The following SMC5 variants were observed in gnomAD, a reference collection of about 807,000 sequenced individuals.
SMC5 encodes the protein structural maintenance of chromosomes 5.
Under a neutral mutation model 148.3 loss-of-function variants are expected in SMC5, and 88 were observed. That is an observed-to-expected ratio of 0.59 (90% CI 0.50 to 0.71). SMC5 has a LOEUF of 0.71. Among genes scored for constraint, SMC5 ranks in the 30% least tolerant of loss-of-function variants. The probability of loss-of-function intolerance (pLI) is 0.00; values close to 1 mark genes in which losing one functional copy is unlikely to be tolerated. For synonymous variants in SMC5, 421 were observed against 432.8 expected (o/e 0.97, Z 0.34); for missense variants, 1,142 against 1,298.9 (o/e 0.88, Z 1.86).
At chr9:70,268,290 A>T (rs1252592183) in intron 3 of SMC5, among the ~76,000 whole-genome samples, 5 of 152,124 alleles carry the variant, frequency 3.3e-5, no homozygotes, top group African/African-American at 1.2e-4. Context: ...TACTAAAAAT[A>T]GAAAAATTAT....
In SMC5 at chr9:70,277,373, T is replaced by C. The variant is rs1421073341; in HGVS notation, c.444T>C (p.Phe148=). The C allele has an allele frequency of 3.7e-6, 6 of 1,605,256 alleles. No homozygotes were observed. Among genetic ancestry groups the C allele is most frequent in the Admixed American group, 3.4e-5 (2 of 58,850 alleles). The change falls in exon 4 of 25, where the codon TTT becomes TTC. Residue 148 remains phenylalanine, a synonymous_variant. Coordinates refer to ENST00000361138, the MANE Select transcript of SMC5 (RefSeq NM_015110.4). ...REIDVAKNQS[F]WFINKKSTTQ... ...TTGATGTGGCAAAAAATCAGTCCTT[T>C]TGGTTCATCAACAAAAAATCTACAA...
Position 70,319,634 on chromosome 9 carries a change from T to G in SMC5, c.2150+671T>G, listed in dbSNP as rs567182124. On this transcript the variant is annotated intron_variant, in intron 15 of 24. Coordinates refer to ENST00000361138, the MANE Select transcript of SMC5 (RefSeq NM_015110.4). ...AATACTACATCAAAATTTGCCAAAG[T>G]GTAGTTTATTAAAGTTTAATTGCAG... Among the ~76,000 whole-genome samples the G allele has an allele frequency of 5.9e-5, 9 of 152,274 alleles. No homozygotes were observed. The East Asian group carries it at 1.7e-3, about 29-fold the overall frequency.
chr9:70,277,310 G>A lies in SMC5; in HGVS notation c.381G>A (p.Leu127=). ...GCSRGMVEIE[L]FRASGNLVIT... The stretch of plus-strand genomic sequence containing the variant: ...GATTCTTAAATTATTTTTTAATTAG[G>A]TTCAGGGCTTCTGGAAATCTTGTAA... Residue 127 remains leucine, a splice_region_variant and synonymous_variant, in exon 4 of 25, where the codon TTG becomes TTA. Coordinates refer to ENST00000361138, the MANE Select transcript of SMC5 (RefSeq NM_015110.4). The A allele has an allele frequency of 6.4e-7, 1 of 1,551,734 alleles. No homozygotes were observed. Among genetic ancestry groups the A allele is most frequent in the Non-Finnish European group, 8.7e-7 (1 of 1,153,092 alleles).
chr9:70,283,133 G>C (rs893617264), intron 7 of SMC5, among the ~76,000 whole-genome samples: 6 of 152,162 alleles, frequency 3.9e-5, no homozygotes, highest in Non-Finnish European at 8.8e-5. Context: ...GGAGATTCAT[G>C]GATGCACTGA....
At chr9:70,321,043 C>T (rs1334157914) in intron 15 of SMC5, among the ~76,000 whole-genome samples, 1 of 152,148 alleles carries the variant, frequency 6.6e-6, no homozygotes, top group African/African-American at 2.4e-5. Flanking sequence ...CTCACAGACT[C>T]CTGAAATAGT....
intron 10 of SMC5, among the ~76,000 whole-genome samples, chr9:70,300,516 T>C (rs2118412806): frequency 6.6e-6 from 1 of 152,230 alleles, no homozygotes; most frequent in East Asian, 1.9e-4. Flanking sequence ...GGGATTAGAT[T>C]AAAACCCTGC....
At chr9:70,309,318 C>CTTTTTTT (rs59694037) in intron 11 of SMC5, among the ~76,000 whole-genome samples, 2,727 of 78,802 alleles carry the variant, frequency 0.035, 312 homozygotes, top group Non-Finnish European at 0.046. Context: ...TTTCCTTTTC[C>CTTTTTTT]TTTTTTTTTT....
At chr9:70,352,167 G>A (rs2036820682) in intron 24 of SMC5, 24 bp from the exon 25 acceptor site, 2 of 1,589,372 alleles carry the variant, frequency 1.3e-6, no homozygotes, top group Non-Finnish European at 1.7e-6. Context: ...TAGCTTATAT[G>A]ACAATTTGTT....
chr9:70,330,344 C>A (rs1349600138), intron 17 of SMC5, among the ~76,000 whole-genome samples: 4 of 151,992 alleles, frequency 2.6e-5, no homozygotes, highest in Non-Finnish European at 5.9e-5. Context: ...AGACATTTGC[C>A]CCCTGGGGAG....
At chr9:70,278,117 C>T (rs905878009) in intron 4 of SMC5, among the ~76,000 whole-genome samples, 1 of 151,956 alleles carries the variant, frequency 6.6e-6, no homozygotes, top group African/African-American at 2.4e-5. Context: ...CAGATTATCT[C>T]CAGAAGTAGA....
chr9:70,313,549 G>C (rs1174348616), intron 11 of SMC5, among the ~76,000 whole-genome samples: 1 of 152,050 alleles, frequency 6.6e-6, no homozygotes, highest in African/African-American at 2.4e-5. Context: ...CCAGGCTGGA[G>C]TGCAATGGCA....
intron 1 of SMC5, among the ~76,000 whole-genome samples, chr9:70,261,197 G>A (rs1233086285): frequency 2.0e-5 from 3 of 152,226 alleles, no homozygotes; most frequent in South Asian, 2.1e-4. Flanking sequence ...CCATTCAGGG[G>A]CCTGTATGTT....
intron 22 of SMC5, 71 bp downstream of exon 22, chr9:70,348,109 A>G: frequency 7.9e-7 from 1 of 1,270,502 alleles, no homozygotes; most frequent in Non-Finnish European, 1.1e-6. Context: ...GTACATATAA[A>G]TTATTTATTT....
intron 13 of SMC5, among the ~76,000 whole-genome samples, chr9:70,317,798 A>C (rs540717050): frequency 6.6e-6 from 1 of 152,356 alleles, no homozygotes; most frequent in East Asian, 1.9e-4. Context: ...TTTAAAAATA[A>C]GAAAAGGCTT....
At chr9:70,344,049 C>A in intron 17 of SMC5, 95 bp from the exon 18 acceptor site, 1 of 667,658 alleles carries the variant, frequency 1.5e-6, no homozygotes, top group Non-Finnish European at 2.2e-6. Context: ...TCATTATAAT[C>A]AGAATTCAAC....
At chr9:70,284,406 G>A (rs2034840169) in intron 7 of SMC5, among the ~76,000 whole-genome samples, 1 of 152,130 alleles carries the variant, frequency 6.6e-6, no homozygotes, top group Non-Finnish European at 1.5e-5. Flanking sequence ...GTGATAACAC[G>A]ACTTCCTCAA....
Position 70,275,105 on chromosome 9 carries a change from C to T in SMC5, c.381-2205C>T, listed in dbSNP as rs552034875. On this transcript the variant is annotated intron_variant, in intron 3 of 24. Coordinates refer to ENST00000361138, the MANE Select transcript of SMC5 (RefSeq NM_015110.4). ...GAACACTCAGTTTTTAATCTGAAAA[C>T]GATATTATTTAGCTCTAAATCTTGA... Among the ~76,000 whole-genome samples, 27 of 152,114 alleles carry T rather than the reference C, an allele frequency of 1.8e-4. No homozygotes were observed. In the East Asian group the frequency reaches 3.1e-3, roughly 17 times the overall value.
chr9:70,325,021 T>G (rs1181439697), intron 17 of SMC5, among the ~76,000 whole-genome samples: 1 of 152,158 alleles, frequency 6.6e-6, no homozygotes, highest in African/African-American at 2.4e-5. Flanking sequence ...TATTGGGGTT[T>G]CATTATATAG....
chr9:70,272,859 G>A (rs1248442489), intron 3 of SMC5, among the ~76,000 whole-genome samples: 2 of 152,188 alleles, frequency 1.3e-5, no homozygotes, highest in African/African-American at 4.8e-5. Context: ...GGAGGAGTCA[G>A]TTGTCTATCA....
Sources: gnomAD v4.1 joint callset for allele counts (sites outside exome capture counted in the v4.1 genomes callset) on GRCh38, gnomAD v4.1.1 for gene constraint, MANE v1.5 for transcripts, NCBI Gene and HGNC (gene_info 2026-07-23, HGNC 2026-07-21) for gene names.